The following NRG3 variants were observed in gnomAD, a reference collection of about 807,000 sequenced individuals.
NRG3 encodes neuregulin 3.
Under a neutral mutation model 66.9 loss-of-function variants are expected in NRG3, and 31 were observed. The observed-to-expected ratio is 0.46, with a 90% CI of 0.35 to 0.63. NRG3 has a LOEUF of 0.63. NRG3 is among the 20% of genes least tolerant of loss of function. The pLI, the probability that NRG3 is intolerant of heterozygous loss-of-function variation, is 0.00. For missense variants in NRG3, 910 were observed against 878.9 expected, an observed-to-expected ratio of 1.04 and a Z score of -0.45; for synonymous variants, 393 against 359.4, an observed-to-expected ratio of 1.09 and a Z score of -1.06.
chr10:81,971,404 G>C (rs1390404010), intron 1 of NRG3, among the ~76,000 whole-genome samples: 2 of 152,122 alleles, frequency 1.3e-5, no homozygotes, highest in Admixed American at 6.5e-5. Context: ...CACTGATAAA[G>C]ACTTGTATTT....
chr10:82,355,698 T>G (rs1394865158), intron 1 of NRG3, among the ~76,000 whole-genome samples: 1 of 152,170 alleles, frequency 6.6e-6, no homozygotes, highest in African/African-American at 2.4e-5. Context: ...ATACACATAT[T>G]TTGCATGATG....
At chr10:82,021,986 G>T (rs1053602014) in intron 1 of NRG3, among the ~76,000 whole-genome samples, 4 of 150,968 alleles carry the variant, frequency 2.6e-5, no homozygotes, top group Non-Finnish European at 3.0e-5. Flanking sequence ...TACATTGGAT[G>T]CTTTTTTTTT....
intron 2 of NRG3, among the ~76,000 whole-genome samples, chr10:82,574,205 T>G (rs2045906463): frequency 6.6e-6 from 1 of 151,658 alleles, no homozygotes; most frequent in African/African-American, 2.4e-5. Context: ...ATTCAGCCGT[T>G]TAAAAAAAAT....
At position 82,507,051 on chromosome 10, in the gene NRG3, G is replaced by A. The variant is rs193022331; in HGVS notation, c.953+148183G>A. On this transcript the variant is annotated intron_variant, in intron 2 of 8. Transcript: ENST00000372141. Reference sequence around the variant, plus strand: ...AAAATGTAATCGTGAGGTGAAAATTGTGTTCAGAACAATGCTGTCCCAGGC... The same window carrying A: ...AAAATGTAATCGTGAGGTGAAAATTATGTTCAGAACAATGCTGTCCCAGGC... 3.9e-5 allele frequency among the ~76,000 whole-genome samples: 6 copies of A among 152,278 alleles called. No homozygotes were observed. In the East Asian group the frequency reaches 7.8e-4, roughly 20 times the overall value.
chr10:82,789,640 T>C (rs1370185259), intron 3 of NRG3, among the ~76,000 whole-genome samples: 1 of 152,114 alleles, frequency 6.6e-6, no homozygotes, highest in Non-Finnish European at 1.5e-5. Flanking sequence ...ATTCTGCTAA[T>C]ATCTGCCTTT....
chr10:82,493,301 C>T (rs1192659241), intron 2 of NRG3, among the ~76,000 whole-genome samples: 1 of 152,028 alleles, frequency 6.6e-6, no homozygotes, highest in Non-Finnish European at 1.5e-5. Flanking sequence ...CCCTAACAGG[C>T]CCCAGTTCGT....
intron 2 of NRG3, among the ~76,000 whole-genome samples, chr10:82,708,630 A>G (rs1373420795): frequency 6.6e-6 from 1 of 152,214 alleles, no homozygotes; most frequent in East Asian, 1.9e-4. Context: ...TATTACAATT[A>G]CTTAATACTA....
intron 2 of NRG3, among the ~76,000 whole-genome samples, chr10:82,682,946 ATTTTTTTTTTTTT>A (rs71009814): frequency 1.5e-5 from 1 of 65,334 alleles, no homozygotes; most frequent in African/African-American, 6.4e-5. Context: ...CCATGTCTTA[ATTTTTTTTTTTTT>A]TTTTTTTTTT....
chr10:82,147,073 T>C (rs1341396681), intron 1 of NRG3, among the ~76,000 whole-genome samples: 1 of 152,214 alleles, frequency 6.6e-6, no homozygotes, highest in East Asian at 1.9e-4. Context: ...CTTCAGGAAC[T>C]GACCAGATCC....
chr10:82,548,524 C>T (rs1380803362), intron 2 of NRG3, among the ~76,000 whole-genome samples: 1 of 29,742 alleles, frequency 3.4e-5, no homozygotes, highest in Non-Finnish European at 5.8e-5. Flanking sequence ...TTCTGTCTCT[C>T]ACACACACAC....
intron 2 of NRG3, among the ~76,000 whole-genome samples, chr10:82,446,795 C>T (rs1236576035): frequency 6.6e-6 from 1 of 152,132 alleles, no homozygotes; most frequent in Non-Finnish European, 1.5e-5. Flanking sequence ...GGAACTTAAA[C>T]GTTGAAGAAA....
intron 2 of NRG3, among the ~76,000 whole-genome samples, chr10:82,629,451 A>G (rs1010487383): frequency 1.3e-5 from 2 of 152,232 alleles, no homozygotes; most frequent in Admixed American, 6.5e-5. Flanking sequence ...TGTGGATACC[A>G]TTCTGGTCGG....
At chr10:82,013,645 CTG>C (rs905699918) in intron 1 of NRG3, among the ~76,000 whole-genome samples, 8 of 151,896 alleles carry the variant, frequency 5.3e-5, no homozygotes, top group African/African-American at 1.5e-4. Context: ...CAAGGTCAGA[CTG>C]TAGATTCCTT....
intron 1 of NRG3, among the ~76,000 whole-genome samples, chr10:82,053,821 T>C (rs550436932): frequency 1.3e-5 from 2 of 152,204 alleles, no homozygotes; most frequent in East Asian, 3.9e-4. Context: ...AAATGGATAG[T>C]TTGGAAGGAG....
At chr10:82,232,567 C>G in intron 1 of NRG3, 1 of 557,632 alleles carries the variant, frequency 1.8e-6, no homozygotes, top group African/African-American at 1.9e-5. Context: ...GACTTCTGAC[C>G]GTTTTTCTGG....
At chr10:82,243,374 A>G (rs2134015104) in intron 1 of NRG3, among the ~76,000 whole-genome samples, 1 of 152,314 alleles carries the variant, frequency 6.6e-6, no homozygotes, top group East Asian at 1.9e-4. Context: ...AGAAGACATA[A>G]TCAAAGAAAT....
chr10:82,397,060 G>A (rs1284265288), intron 2 of NRG3, among the ~76,000 whole-genome samples: 3 of 152,106 alleles, frequency 2.0e-5, no homozygotes, highest in Admixed American at 6.5e-5. Flanking sequence ...GTGCCTTCCT[G>A]TTGTGTCTGT....
intron 2 of NRG3, among the ~76,000 whole-genome samples, chr10:82,481,948 C>T (rs538229813): frequency 2.0e-5 from 3 of 152,232 alleles, no homozygotes; most frequent in African/African-American, 2.4e-5. Context: ...GATCACGCCA[C>T]TGCACTTCAG....
chr10:82,526,034 A>G (rs1292845787), intron 2 of NRG3, among the ~76,000 whole-genome samples: 1 of 151,964 alleles, frequency 6.6e-6, no homozygotes, highest in Non-Finnish European at 1.5e-5. Context: ...GGATAAAACT[A>G]TGCAGTAAAT....
Sources: allele counts gnomAD v4.1 joint callset (sites outside exome capture counted in the v4.1 genomes callset), GRCh38; gene constraint gnomAD v4.1.1; transcripts MANE v1.5; gene names NCBI Gene and HGNC (gene_info 2026-07-23, HGNC 2026-07-21).